LSG1: variants seen among roughly 807,000 people sequenced by gnomAD.
The protein encoded by LSG1 is large subunit GTPase 1 homolog.
A neutral mutation model predicts 82.6 loss-of-function variants in LSG1; 55 were observed. The observed-to-expected ratio is 0.67, with a 90% CI of 0.54 to 0.83. The LOEUF is 0.83. Among genes scored for constraint, LSG1 ranks in the 40% least tolerant of loss-of-function variants. The pLI is 0.00. For synonymous variants in LSG1, 272 were observed against 282.5 expected, an observed-to-expected ratio of 0.96 and a Z score of 0.37; for missense variants, 809 against 807.9, an observed-to-expected ratio of 1.00 and a Z score of -0.02.
chr3:194,642,276 G>A (rs1261259899), intron 13 of LSG1, 29 bp from the exon 14 acceptor site: 8 of 1,597,704 alleles, frequency 5.0e-6, no homozygotes, highest in Non-Finnish European at 6.8e-6. Context: ...CATTATCTGA[G>A]CTGTCAGCAG....
rs377105882 is a variant in LSG1 at position 194,653,202 on chromosome 3, T to C, written c.760-60A>G. 2.5e-5 allele frequency: 38 copies of C among 1,515,264 alleles called. 1 individual carries two copies. The South Asian group carries it at 2.6e-4, about 10-fold the overall frequency. The allele number at this position is 1,515,264 out of a possible 1,614,324, so 93.9% of individuals were successfully genotyped here. A position where few individuals can be genotyped will look rare whatever the true frequency, so the allele number is the denominator to read the frequency against. On this transcript the variant is annotated intron_variant, in intron 7 of 13. Transcript: ENST00000265245. Reference sequence around the variant, plus strand: ...ACTGCAGTTTCCACTCTAGTAAAAATACTTAATGAGTTGTAAGATGGACAG... The same window carrying C: ...ACTGCAGTTTCCACTCTAGTAAAAACACTTAATGAGTTGTAAGATGGACAG...
chr3:194,648,379 A>T (rs1718598026), intron 11 of LSG1, among the ~76,000 whole-genome samples: 1 of 151,822 alleles, frequency 6.6e-6, no homozygotes, highest in Admixed American at 6.6e-5. Flanking sequence ...ATTTTCTTCC[A>T]CACATCCGCT....
In LSG1 at chr3:194,652,851, T is replaced by A; in HGVS notation, c.1051A>T (p.Thr351Ser). 1 of 1,613,890 alleles carries A rather than the reference T, an allele frequency of 6.2e-7. No homozygotes were observed. Among genetic ancestry groups the A allele is most frequent in the African/African-American group, 1.3e-5 (1 of 74,920 alleles). Residue 351 changes from threonine (T) to serine (S), a missense_variant, in exon 8 of 14, where the codon ACC becomes TCC. Physicochemically the swap from Thr to Ser is moderately conservative, Grantham distance 58. Transcript: ENST00000265245. The stretch of plus-strand genomic sequence containing the variant: ...TTGTGTATCTGCCTCTTCTGTGGGG[T>A]TTTCCTGCTCCGAGCCTCAGAATCT... ...TADSEARSRK[T>S]PQKRQIHNFS...
Position 194,661,777 on chromosome 3 carries a change from A to T in LSG1, c.522-1644T>A, listed in dbSNP as rs185059978. Among the ~76,000 whole-genome samples the T allele has an allele frequency of 6.6e-5, 10 of 152,314 alleles. No homozygotes were observed. The East Asian group carries it at 1.5e-3, about 23-fold the overall frequency. On this transcript the variant is annotated intron_variant, in intron 5 of 13. Transcript: ENST00000265245. Reference sequence around the variant, plus strand: ...TGTAATTCAGATCCACTTTCATATAACTATATTCCTTGAGCTAGAAAACAT... The same window carrying T: ...TGTAATTCAGATCCACTTTCATATATCTATATTCCTTGAGCTAGAAAACAT...
In LSG1 at chr3:194,671,242, G is replaced by T. The variant is rs532279598; in HGVS notation, c.99+822C>A. On this transcript the variant is annotated intron_variant, in intron 1 of 13. Transcript: ENST00000265245. The stretch of plus-strand genomic sequence containing the variant: ...CAATCTTCCCACAGTTTCCTAAAAG[G>T]CTTCATTAGTAACAAGTTGCTTCAA... Among the ~76,000 whole-genome samples, 34 of 152,226 alleles carry T rather than the reference G, an allele frequency of 2.2e-4. No individual in the cohort carries two copies. In the South Asian group the frequency reaches 4.6e-3, roughly 20 times the overall value.
Position 194,650,987 on chromosome 3 carries a change from C to G in LSG1, c.1313G>C (p.Cys438Ser). The G allele has an allele frequency of 1.2e-6, 2 of 1,614,178 alleles. No homozygotes were observed. Among genetic ancestry groups the G allele is most frequent in the Non-Finnish European group, 1.7e-6 (2 of 1,180,032 alleles). The change falls in exon 10 of 14, where the codon TGT (cysteine) becomes TCT (serine). Residue 438 changes from cysteine (C) to serine (S), a missense_variant. By Grantham distance (112) the Cys-to-Ser change is moderately radical. Transcript: ENST00000265245. ...YVEPGLCLCD[C>S]PGLVMPSFVS... is the part of the protein sequence containing the mutation. ...AAAAGATGGCATCACCAAGCCAGGA[C>G]AGTCACACAGGCAGAGGCCAGGCTC...
Position 194,652,859 on chromosome 3 carries a change from C to T in LSG1, c.1043G>A (p.Ser348Asn), listed in dbSNP as rs762942572. 1.9e-6 allele frequency: 3 copies of T among 1,614,154 alleles called. No individual in the cohort carries two copies. The highest frequency in any genetic ancestry group is 2.5e-6 in the Non-Finnish European group (3 of 1,180,020). ...CTGCCTCTTCTGTGGGGTTTTCCTGCTCCGAGCCTCAGAATCTGCAGTAGA... is the reference window on the plus strand; with the variant it reads ...CTGCCTCTTCTGTGGGGTTTTCCTGTTCCGAGCCTCAGAATCTGCAGTAGA... ...ESSTADSEAR[S>N]RKTPQKRQIH... The change falls in exon 8 of 14, where the codon AGC (serine) becomes AAC (asparagine). Residue 348 changes from serine to asparagine, a missense_variant. Ser to Asn is a conservative substitution (Grantham distance 46, BLOSUM62 1). Transcript: ENST00000265245.
chr3:194,666,669 T>C, intron 2 of LSG1, 97 bp from the exon 3 acceptor site: 1 of 944,368 alleles, frequency 1.1e-6, no homozygotes. Flanking sequence ...AATGAGAGCC[T>C]AAGAGAACTT....
chr3:194,645,575 GACACACACACACACACACACAC>G (rs57272537), intron 12 of LSG1, among the ~76,000 whole-genome samples: 1,073 of 20,118 alleles, frequency 0.053, 82 homozygotes, highest in African/African-American at 0.12. Context: ...CACACAGACA[GACACACACACACACACACACAC>G]ACACACACAC....
chr3:194,659,502 G>A (rs1434327373), intron 6 of LSG1, among the ~76,000 whole-genome samples: 3 of 152,116 alleles, frequency 2.0e-5, no homozygotes, highest in Non-Finnish European at 4.4e-5. Context: ...CTATAAGATA[G>A]TAATAAATAA....
chr3:194,665,943 G>A (rs1268205530), intron 4 of LSG1, among the ~76,000 whole-genome samples: 3 of 152,222 alleles, frequency 2.0e-5, no homozygotes, highest in Non-Finnish European at 4.4e-5. Flanking sequence ...ATCAACTCCA[G>A]GATGCCCAAT....
chr3:194,662,383 A>G (rs1271600305), intron 5 of LSG1, among the ~76,000 whole-genome samples: 1 of 152,258 alleles, frequency 6.6e-6, no homozygotes, highest in Admixed American at 6.5e-5. Flanking sequence ...TAAGCCTATG[A>G]AGATACTGAA....
chr3:194,654,584 T>G (rs1718754376), intron 7 of LSG1, among the ~76,000 whole-genome samples: 1 of 152,206 alleles, frequency 6.6e-6, no homozygotes, highest in African/African-American at 2.4e-5. Flanking sequence ...ATTTCTATGG[T>G]AAATGAGCAG....
At chr3:194,671,161 G>A (rs1014679542) in intron 1 of LSG1, among the ~76,000 whole-genome samples, 25 of 152,124 alleles carry the variant, frequency 1.6e-4, no homozygotes, top group Admixed American at 1.3e-3. Context: ...AAGTTTAAGT[G>A]GGCATAGAAT....
Position 194,641,915 on chromosome 3 carries a change from T to C in LSG1, c.*153A>G. 1 of 730,300 alleles carries C rather than the reference T, an allele frequency of 1.4e-6. No homozygotes were observed. The highest frequency in any genetic ancestry group is 2.6e-5 in the South Asian group (1 of 39,104). 45.2% of individuals were successfully genotyped at this position (730,300 alleles called of 1,614,324 possible). A position where few individuals can be genotyped will look rare whatever the true frequency, so the allele number is the denominator to read the frequency against. On this transcript the variant is annotated 3_prime_UTR_variant, in exon 14 of 14. Transcript: ENST00000265245. Reference sequence around the variant, plus strand: ...GTTGGTGTTTCCAGGAGGCCCTTGGTCTTGACATGGAGACTGTTGGGTGCA... The same window carrying C: ...GTTGGTGTTTCCAGGAGGCCCTTGGCCTTGACATGGAGACTGTTGGGTGCA...
chr3:194,671,006 G>A (rs998148241), intron 1 of LSG1, among the ~76,000 whole-genome samples: 1 of 152,188 alleles, frequency 6.6e-6, no homozygotes, highest in African/African-American at 2.4e-5. Context: ...GGGATTATTT[G>A]TGCCCAGAAG....
intron 2 of LSG1, among the ~76,000 whole-genome samples, chr3:194,666,828 T>C (rs560238730): frequency 3.9e-5 from 6 of 152,336 alleles, no homozygotes; most frequent in South Asian, 2.1e-4. Flanking sequence ...TTCCCTGCTA[T>C]TGAACATTCA....
intron 7 of LSG1, among the ~76,000 whole-genome samples, chr3:194,656,711 C>T (rs575928239): frequency 6.6e-6 from 1 of 152,042 alleles, no homozygotes; most frequent in African/African-American, 2.4e-5. Context: ...ATGTTTATTG[C>T]AGCACTATTC....
chr3:194,659,119 T>C lies in LSG1; in HGVS notation c.597A>G (p.Lys199=). 1 of 1,613,216 alleles carries C rather than the reference T, an allele frequency of 6.2e-7. No individual in the cohort carries two copies. The highest frequency in any genetic ancestry group is 1.1e-5 in the South Asian group (1 of 90,970). ...FRCEDLECYV[K]EMDANKENVI... is the part of the protein sequence containing the mutation. The stretch of plus-strand genomic sequence containing the variant: ...CGTTCTCCTTATTGGCATCCATTTC[T>C]TTCACATAACATTCCTAAGCAAGAC... The change falls in exon 7 of 14, where the codon AAA becomes AAG. Residue 199 remains lysine, a synonymous_variant. Transcript: ENST00000265245.
Sources: allele counts gnomAD v4.1 joint callset (sites outside exome capture counted in the v4.1 genomes callset), GRCh38; gene constraint gnomAD v4.1.1; transcripts MANE v1.5; gene names NCBI Gene and HGNC (gene_info 2026-07-23, HGNC 2026-07-21).